GCA: variants seen among roughly 807,000 people sequenced by gnomAD.
The protein encoded by GCA is grancalcin.
Under a neutral mutation model 32.6 loss-of-function variants are expected in GCA, and 30 were observed. The observed-to-expected ratio is 0.92, with a 90% CI of 0.69 to 1.25. GCA has a LOEUF of 1.25. GCA is among the 50% of genes most tolerant of loss of function. GCA has a pLI of 0.00. For missense variants in GCA, 291 were observed against 266.8 expected (o/e 1.09, Z -0.63); for synonymous variants, 102 against 84.6 (o/e 1.21, Z -1.13).
intron 1 of GCA, among the ~76,000 whole-genome samples, chr2:162,333,898 T>C (rs779461591): frequency 3.4e-4 from 51 of 152,218 alleles, no homozygotes; most frequent in South Asian, 6.2e-4. Flanking sequence ...ACCCTAGAGA[T>C]AGCCTGAAAC....
At chr2:162,372,419 T>G (rs1274334626), downstream of GCA, among the ~76,000 whole-genome samples, 1 of 152,072 alleles carries the variant, frequency 6.6e-6, no homozygotes, top group Non-Finnish European at 1.5e-5. Flanking sequence ...GGATGAGGAA[T>G]GGGATCACTT....
At chr2:162,328,063 TG>T (rs1434138276) in intron 1 of GCA, among the ~76,000 whole-genome samples, 1 of 152,174 alleles carries the variant, frequency 6.6e-6, no homozygotes, top group Non-Finnish European at 1.5e-5. Context: ...AGCCCCTTTC[TG>T]GGCTGGCCAA....
chr2:162,360,232 A>T lies in GCA; in HGVS notation c.643A>T (p.Met215Leu). 1 of 1,568,776 alleles carries T rather than the reference A, an allele frequency of 6.4e-7. No homozygotes were observed. The highest frequency in any genetic ancestry group is 1.1e-5 in the South Asian group (1 of 88,044). The change falls in exon 8 of 8, where the codon ATG becomes TTG. Residue 215 changes from methionine (M) to leucine (L), a missense_variant. Physicochemically the swap from Met to Leu is conservative, Grantham distance 15. Coordinates refer to ENST00000437150, the MANE Select transcript of GCA (RefSeq NM_012198.5). ...FIYDDFLQGTMAI is the reference protein window; with the variant it reads ...FIYDDFLQGTLAI ...TATGTATTAGTTTTTGCAGGGCACT[A>T]TGGCAATTTGAATGCTTAGAATTTT...
chr2:162,344,671 T>A, intron 1 of GCA: 1 of 272,808 alleles, frequency 3.7e-6, no homozygotes, highest in Non-Finnish European at 7.1e-6. Flanking sequence ...CTTCTTGTTC[T>A]TTAAGTTCCT....
At chr2:162,371,934 G>GT, downstream of GCA, 1 of 1,613,824 alleles carries the variant, frequency 6.2e-7, no homozygotes, top group Non-Finnish European at 8.5e-7. Context: ...TTGGATGAAC[G>GT]TAAGTTTTTC....
intron 1 of GCA, among the ~76,000 whole-genome samples, chr2:162,320,744 T>G (rs1188411855): frequency 2.0e-5 from 3 of 152,222 alleles, no homozygotes; most frequent in Non-Finnish European, 4.4e-5. Flanking sequence ...CTGATCTAGG[T>G]GCAGTTAATA....
Position 162,360,510 on chromosome 2 carries a change from T to C in GCA, c.*267T>C. 1.0e-6 allele frequency: 1 copy of C among 970,558 alleles called. No individual in the cohort carries two copies. Among genetic ancestry groups the C allele is most frequent in the Non-Finnish European group, 1.4e-6 (1 of 735,996 alleles). 60.1% of individuals were successfully genotyped at this position (970,558 alleles called of 1,614,324 possible). A position where few individuals can be genotyped will look rare whatever the true frequency, so the allele number is the denominator to read the frequency against. ...TTGTATGATTAATTGATTTAAATAA[T>C]GCTTAGCCTTAATTTTAGATAATGT... On this transcript the variant is annotated 3_prime_UTR_variant, in exon 8 of 8. Transcript: ENST00000437150.
In GCA at chr2:162,328,455, A is replaced by C. The variant is rs187949796; in HGVS notation, c.-31+9230A>C. ...GAGAGAGAGATGGCAGGGTTTTGGA[A>C]GAAAGGCAAACCTGACAGCATTCAC... On this transcript the variant is annotated intron_variant, in intron 1 of 4. Coordinates refer to the GCA transcript ENST00000429691. 5.2e-3 allele frequency among the ~76,000 whole-genome samples: 784 copies of C among 152,194 alleles called. 8 individuals are homozygous for C. The highest frequency in any genetic ancestry group is 0.018 in the African/African-American group (735 of 41,534).
chr2:162,339,981 T>C (rs1684386473), upstream of GCA, among the ~76,000 whole-genome samples: 1 of 152,204 alleles, frequency 6.6e-6, no homozygotes, highest in Non-Finnish European at 1.5e-5. Context: ...CCTTTAATCC[T>C]CTAAGTCATA....
chr2:162,353,233 G>A (rs927119457), intron 3 of GCA, among the ~76,000 whole-genome samples: 1 of 152,162 alleles, frequency 6.6e-6, no homozygotes, highest in Admixed American at 6.5e-5. Flanking sequence ...ACTTTGGGAG[G>A]CTGAGGTGGG....
intron 1 of GCA, among the ~76,000 whole-genome samples, chr2:162,328,884 G>A (rs902527092): frequency 2.6e-5 from 4 of 152,152 alleles, no homozygotes; most frequent in Non-Finnish European, 5.9e-5. Flanking sequence ...AATTGAATGG[G>A]AAGGTTTACC....
At position 162,360,658 on chromosome 2, in the gene GCA, T is replaced by G; in HGVS notation, c.*415T>G. ...TTAGACTTTTAAATTTTCTTTGTAG[T>G]TGGTGGTGTTTGAGGGTTGGCTAGA... On this transcript the variant is annotated 3_prime_UTR_variant, in exon 8 of 8. Coordinates refer to ENST00000437150, the MANE Select transcript of GCA (RefSeq NM_012198.5). 1 of 1,288,668 alleles carries G rather than the reference T, an allele frequency of 7.8e-7. No homozygotes were observed. The highest frequency in any genetic ancestry group is 9.8e-7 in the Non-Finnish European group (1 of 1,016,344). The allele number at this position is 1,288,668 out of a possible 1,614,324, so 79.8% of individuals were successfully genotyped here.
At chr2:162,357,272 C>T (rs1685327550) in intron 5 of GCA, among the ~76,000 whole-genome samples, 1 of 151,736 alleles carries the variant, frequency 6.6e-6, no homozygotes, top group Non-Finnish European at 1.5e-5. Context: ...AATAGGTTTT[C>T]AGTGGTAGAA....
At chr2:162,339,837 C>T (rs985420799), upstream of GCA, among the ~76,000 whole-genome samples, 1 of 152,130 alleles carries the variant, frequency 6.6e-6, no homozygotes, top group African/African-American at 2.4e-5. Context: ...AAATAAATTC[C>T]TTTTGTTTAA....
intron 3 of GCA, among the ~76,000 whole-genome samples, chr2:162,355,263 C>A (rs1158803978): frequency 6.6e-6 from 1 of 152,060 alleles, no homozygotes; most frequent in Non-Finnish European, 1.5e-5. Flanking sequence ...ATGCTAAGAA[C>A]ACATTGAGTA....
chr2:162,364,011 T>C (rs533310322), downstream of GCA, among the ~76,000 whole-genome samples: 1 of 151,642 alleles, frequency 6.6e-6, no homozygotes, highest in South Asian at 2.1e-4. Context: ...ACATCAGAGA[T>C]GGTGGCAATT....
chr2:162,371,458 C>G, exon 5 of GCA: 1 of 1,268,472 alleles, frequency 7.9e-7, no homozygotes, highest in Non-Finnish European at 1.0e-6. Context: ...AGTTTTATCC[C>G]TTGGTTTCTT....
intron 1 of GCA, chr2:162,319,342 CA>C (rs1358800011): frequency 2.4e-6 from 1 of 415,740 alleles, no homozygotes; most frequent in Non-Finnish European, 4.9e-6. Flanking sequence ...GGACTTGAAC[CA>C]CCAACTCAGC....
intron 1 of GCA, among the ~76,000 whole-genome samples, chr2:162,322,603 T>C (rs1302470357): frequency 1.5e-5 from 2 of 132,344 alleles, no homozygotes. Context: ...TTCTCCTTCC[T>C]GTGTCCATGT....
Sources: gnomAD v4.1 joint callset for allele counts (sites outside exome capture counted in the v4.1 genomes callset) on GRCh38, gnomAD v4.1.1 for gene constraint, MANE v1.5 for transcripts, NCBI Gene and HGNC (gene_info 2026-07-23, HGNC 2026-07-21) for gene names.